Variants in CTNNA2 observed in about 807,000 individuals in gnomAD.
CTNNA2 encodes the protein catenin alpha-2.
In CTNNA2, 42 loss-of-function variants were observed where a neutral mutation model predicts 101.0. The ratio of observed to expected loss-of-function variants is 0.42; its 90% CI spans 0.32 to 0.54. CTNNA2 has a LOEUF of 0.54. CTNNA2 is among the 20% of genes least tolerant of loss of function. CTNNA2 has a pLI of 0.14. For missense variants in CTNNA2, 871 were observed against 1,223.1 expected (o/e 0.71, Z 4.29); for synonymous variants, 450 against 456.4 (o/e 0.99, Z 0.18).
chr2:80,002,009 C>T (rs1408870561), intron 7 of CTNNA2, among the ~76,000 whole-genome samples: 1 of 152,186 alleles, frequency 6.6e-6, no homozygotes, highest in Non-Finnish European at 1.5e-5. Context: ...TCCAAGTTAT[C>T]TCGTTACCAC....
chr2:79,427,622 T>TAA (rs375511412), intron 4 of CTNNA2, among the ~76,000 whole-genome samples: 9 of 146,972 alleles, frequency 6.1e-5, no homozygotes, highest in Admixed American at 1.4e-4. Flanking sequence ...TCTTTAATAT[T>TAA]AAAAAAAAAA....
At chr2:79,971,410 A>T (rs750347948) in intron 7 of CTNNA2, among the ~76,000 whole-genome samples, 7 of 152,096 alleles carry the variant, frequency 4.6e-5, no homozygotes, top group Non-Finnish European at 1.0e-4. Context: ...TTTTTCTCTG[A>T]GGCGGGTCTT....
At chr2:79,432,614 T>C (rs1214729125) in intron 4 of CTNNA2, among the ~76,000 whole-genome samples, 1 of 152,196 alleles carries the variant, frequency 6.6e-6, no homozygotes, top group African/African-American at 2.4e-5. Flanking sequence ...ATCAGTGAGA[T>C]ACCACAAGGG....
At chr2:80,527,213 C>T (rs192090031) in intron 9 of CTNNA2, among the ~76,000 whole-genome samples, 3 of 152,330 alleles carry the variant, frequency 2.0e-5, no homozygotes, top group Non-Finnish European at 2.9e-5. Context: ...GAAGTGATGA[C>T]ATGAGGATAA....
At chr2:80,575,981 T>G (rs568105328) in intron 13 of CTNNA2, among the ~76,000 whole-genome samples, 10 of 152,312 alleles carry the variant, frequency 6.6e-5, no homozygotes, top group African/African-American at 2.4e-4. Flanking sequence ...GGCTTCATTT[T>G]GCACTTAAAT....
chr2:80,488,056 G>A (rs1686739083), intron 9 of CTNNA2, among the ~76,000 whole-genome samples: 1 of 152,136 alleles, frequency 6.6e-6, no homozygotes, highest in African/African-American at 2.4e-5. Flanking sequence ...CAGTTTCAAT[G>A]GCTAAAGCAA....
chr2:80,287,834 T>G (rs1207671279), intron 7 of CTNNA2, among the ~76,000 whole-genome samples: 2 of 152,190 alleles, frequency 1.3e-5, no homozygotes, highest in Non-Finnish European at 2.9e-5. Context: ...TCTCATGATA[T>G]GTGCTTAACT....
intron 7 of CTNNA2, among the ~76,000 whole-genome samples, chr2:80,034,235 A>T (rs1695499832): frequency 6.6e-6 from 1 of 152,086 alleles, no homozygotes; most frequent in African/African-American, 2.4e-5. Context: ...TTTGGAAATC[A>T]TGAAGAAAAA....
intron 3 of CTNNA2, among the ~76,000 whole-genome samples, chr2:79,782,347 C>T (rs1304681985): frequency 6.6e-6 from 1 of 152,106 alleles, no homozygotes; most frequent in African/African-American, 2.4e-5. Flanking sequence ...AGTGATTCTC[C>T]TGCCCCAGCC....
chr2:79,420,507 C>T (rs944466784), intron 4 of CTNNA2, among the ~76,000 whole-genome samples: 10 of 152,168 alleles, frequency 6.6e-5, no homozygotes, highest in Non-Finnish European at 1.3e-4. Context: ...GACTTCTGGG[C>T]TCTGTGGTAC....
Position 80,332,493 on chromosome 2 carries a change from A to G in CTNNA2, c.1057-60718A>G, listed in dbSNP as rs907947558. ...AAACTGGAGAAATCTCAGCATCCTCACTAAAAATGTCAAGCCCAGTAATGC... is the reference window on the plus strand; with the variant it reads ...AAACTGGAGAAATCTCAGCATCCTCGCTAAAAATGTCAAGCCCAGTAATGC... On this transcript the variant is annotated intron_variant, in intron 7 of 18. Coordinates refer to ENST00000402739, the MANE Select transcript of CTNNA2 (RefSeq NM_001282597.3). 3.9e-5 allele frequency among the ~76,000 whole-genome samples: 6 copies of G among 152,338 alleles called. No homozygotes were observed. In the South Asian group the frequency reaches 1.0e-3, roughly 26 times the overall value.
At chr2:80,007,822 T>A (rs1693482353) in intron 7 of CTNNA2, among the ~76,000 whole-genome samples, 1 of 152,062 alleles carries the variant, frequency 6.6e-6, no homozygotes, top group Non-Finnish European at 1.5e-5. Context: ...CTCCCAACAT[T>A]GGAGGAGGTG....
chr2:79,254,376 A>G (rs1036786420), intron 2 of CTNNA2, among the ~76,000 whole-genome samples: 3 of 152,028 alleles, frequency 2.0e-5, no homozygotes, highest in African/African-American at 7.2e-5. Context: ...GTTCCCATGA[A>G]TGGTTTAGCA....
intron 1 of CTNNA2, among the ~76,000 whole-genome samples, chr2:79,521,500 A>G (rs1188889696): frequency 6.6e-6 from 1 of 152,058 alleles, no homozygotes; most frequent in African/African-American, 2.4e-5. Flanking sequence ...AGTCTAGTCA[A>G]TGGCAAGGGG....
At chr2:79,388,036 G>A (rs1023216904) in intron 4 of CTNNA2, among the ~76,000 whole-genome samples, 5 of 152,094 alleles carry the variant, frequency 3.3e-5, no homozygotes, top group Non-Finnish European at 7.4e-5. Context: ...GGAGAATAAA[G>A]CTGTTGAAAT....
intron 8 of CTNNA2, among the ~76,000 whole-genome samples, chr2:80,395,711 A>T (rs910267327): frequency 6.6e-6 from 1 of 152,202 alleles, no homozygotes; most frequent in Non-Finnish European, 1.5e-5. Flanking sequence ...GCTCAAGCAA[A>T]TGTATACTGC....
At chr2:79,357,739 G>T (rs1197630801) in intron 3 of CTNNA2, among the ~76,000 whole-genome samples, 1 of 152,098 alleles carries the variant, frequency 6.6e-6, no homozygotes, top group Non-Finnish European at 1.5e-5. Context: ...CCAAGGGAAA[G>T]GATACAATGC....
chr2:80,129,400 C>G (rs973294681), intron 7 of CTNNA2, among the ~76,000 whole-genome samples: 9 of 152,184 alleles, frequency 5.9e-5, no homozygotes, highest in Non-Finnish European at 1.0e-4. Context: ...CTCTTCACAG[C>G]AGGTTGTCTT....
intron 7 of CTNNA2, among the ~76,000 whole-genome samples, chr2:80,104,627 G>A (rs1314256540): frequency 6.6e-6 from 1 of 152,196 alleles, no homozygotes; most frequent in Non-Finnish European, 1.5e-5. Flanking sequence ...TTAGCCCAGA[G>A]GCCAGGAGTG....
Sources: allele counts gnomAD v4.1 joint callset (sites outside exome capture counted in the v4.1 genomes callset), GRCh38; gene constraint gnomAD v4.1.1; transcripts MANE v1.5; gene names NCBI Gene and HGNC (gene_info 2026-07-23, HGNC 2026-07-21).